CTIF: variants seen among roughly 807,000 people sequenced by gnomAD.
CTIF encodes cap binding complex dependent translation initiation factor.
A neutral mutation model predicts 66.0 loss-of-function variants in CTIF; 21 were observed. That is an observed-to-expected ratio of 0.32 (90% confidence interval 0.23 to 0.46). The LOEUF is 0.46. Among genes scored for constraint, CTIF ranks in the 20% least tolerant of loss-of-function variants. The probability of loss-of-function intolerance (pLI) is 1.00; values close to 1 mark genes in which losing one functional copy is unlikely to be tolerated. For synonymous variants in CTIF, 345 were observed against 326.4 expected (o/e 1.06, Z -0.62); for missense variants, 739 against 812.7 (o/e 0.91, Z 1.10).
chr18:48,565,183 G>A (rs1457072596), intron 1 of CTIF: 1 of 152,254 alleles, frequency 6.6e-6, no homozygotes, highest in East Asian at 1.9e-4. Context: ...GTGATGTGGA[G>A]ACTTTGCAAG....
intron 6 of CTIF, among the ~76,000 whole-genome samples, chr18:48,687,712 C>T (rs2091864995): frequency 6.6e-6 from 1 of 152,180 alleles, no homozygotes; most frequent in South Asian, 2.1e-4. Context: ...GCTGAAATTG[C>T]CAGAGCAAAT....
At chr18:48,670,181 A>G (rs911487086) in intron 5 of CTIF, among the ~76,000 whole-genome samples, 4 of 152,208 alleles carry the variant, frequency 2.6e-5, no homozygotes, top group East Asian at 1.9e-4. Context: ...ACGCCCACTC[A>G]CAGAGGACAT....
At chr18:48,797,501 G>GGT in intron 9 of CTIF, among the ~76,000 whole-genome samples, 1 of 149,072 alleles carries the variant, frequency 6.7e-6, no homozygotes, top group African/African-American at 2.5e-5. Context: ...AAGGGGTGGG[G>GGT]GGGCAAGTTT....
In CTIF at chr18:48,552,742, C is replaced by T. The variant is rs1447121435; in HGVS notation, c.-29+13430C>T. On this transcript the variant is annotated intron_variant, in intron 1 of 11. Coordinates refer to ENST00000256413, the MANE Select transcript of CTIF (RefSeq NM_014772.3). ...CAGTAGCGGAGGTTGAGTGTTTTACCCCAGGCCACACAGCTAAGAAGTGGC... is the reference window on the plus strand; with the variant it reads ...CAGTAGCGGAGGTTGAGTGTTTTACTCCAGGCCACACAGCTAAGAAGTGGC... 3.3e-5 allele frequency among the ~76,000 whole-genome samples: 5 copies of T among 152,186 alleles called. No individual in the cohort carries two copies. In the East Asian group the frequency reaches 7.7e-4, roughly 24 times the overall value.
rs555313671 is a variant in CTIF, at chr18:48,659,460, C to T, written c.253-4292C>T. On this transcript the variant is annotated intron_variant, in intron 3 of 11. Coordinates refer to ENST00000256413, the MANE Select transcript of CTIF (RefSeq NM_014772.3). ...TCCAGGGCTGCTGAGCTTCACAGCT[C>T]CGGGGGTGCTGTCCATATGATATTC... 4.3e-4 allele frequency among the ~76,000 whole-genome samples: 65 copies of T among 152,322 alleles called. 1 individual carries two copies. In the South Asian group the frequency reaches 0.012, roughly 28 times the overall value.
At chr18:48,804,685 G>A (rs909961554) in intron 9 of CTIF, among the ~76,000 whole-genome samples, 1 of 152,210 alleles carries the variant, frequency 6.6e-6, no homozygotes, top group African/African-American at 2.4e-5. Context: ...CAATCAGACT[G>A]ATGCCAAGAC....
At chr18:48,573,197 G>A (rs1202164652) in intron 1 of CTIF, among the ~76,000 whole-genome samples, 3 of 152,192 alleles carry the variant, frequency 2.0e-5, no homozygotes, top group Non-Finnish European at 4.4e-5. Context: ...AGGGCCTAAA[G>A]TCACAAAACG....
At chr18:48,685,373 C>A (rs1439366321) in intron 6 of CTIF, among the ~76,000 whole-genome samples, 1 of 152,008 alleles carries the variant, frequency 6.6e-6, no homozygotes, top group Non-Finnish European at 1.5e-5. Context: ...CAGGCACATG[C>A]CACCACGCCC....
At chr18:48,762,561 T>A (rs72911689) in intron 9 of CTIF, among the ~76,000 whole-genome samples, 4,442 of 152,244 alleles carry the variant, frequency 0.029, 100 homozygotes, top group Non-Finnish European at 0.045. Context: ...TTCCTCCTAT[T>A]TTGTATTTTA....
chr18:48,770,375 C>T (rs373787729), intron 9 of CTIF, among the ~76,000 whole-genome samples: 3 of 152,272 alleles, frequency 2.0e-5, no homozygotes, highest in Non-Finnish European at 2.9e-5. Context: ...CAGAGAGCCC[C>T]GCTCCTGAGA....
At chr18:48,671,700 A>G (rs1270996112) in intron 6 of CTIF, among the ~76,000 whole-genome samples, 2 of 150,918 alleles carry the variant, frequency 1.3e-5, no homozygotes, top group Non-Finnish European at 3.0e-5. Context: ...AATTTGGAAA[A>G]TTTTCAGCCA....
intron 3 of CTIF, among the ~76,000 whole-genome samples, chr18:48,641,342 T>C (rs1053137502): frequency 2.0e-5 from 3 of 152,250 alleles, no homozygotes; most frequent in African/African-American, 7.2e-5. Flanking sequence ...CTGATTAGAC[T>C]TGGGAAGGAC....
At chr18:48,777,729 A>C (rs1007648624) in intron 9 of CTIF, among the ~76,000 whole-genome samples, 3 of 152,232 alleles carry the variant, frequency 2.0e-5, no homozygotes, top group Admixed American at 1.3e-4. Context: ...TTCTTTCTCA[A>C]ACAGCAGGAA....
At chr18:48,618,440 C>G (rs754543172) in intron 1 of CTIF, among the ~76,000 whole-genome samples, 28 of 152,190 alleles carry the variant, frequency 1.8e-4, no homozygotes, top group Non-Finnish European at 3.7e-4. Context: ...TCTGTTTTCT[C>G]TGGCAGATCA....
chr18:48,743,566 G>T (rs1447002892), intron 7 of CTIF, among the ~76,000 whole-genome samples: 1 of 152,106 alleles, frequency 6.6e-6, no homozygotes, highest in Non-Finnish European at 1.5e-5. Context: ...TTTCTTTGTA[G>T]AAAATCATGC....
chr18:48,657,585 C>T (rs981194808), intron 3 of CTIF, among the ~76,000 whole-genome samples: 6 of 152,010 alleles, frequency 3.9e-5, no homozygotes, highest in African/African-American at 1.2e-4. Flanking sequence ...ACAACAATGA[C>T]GAGAGGAATC....
At chr18:48,592,428 C>T (rs1055556215) in intron 1 of CTIF, among the ~76,000 whole-genome samples, 1 of 149,114 alleles carries the variant, frequency 6.7e-6, no homozygotes, top group African/African-American at 2.5e-5. Flanking sequence ...ACCCAGGAGG[C>T]AGAGGTTGTG....
At chr18:48,845,111 CAAAG>C (rs111257287) in intron 10 of CTIF, among the ~76,000 whole-genome samples, 2,433 of 83,922 alleles carry the variant, frequency 0.029, 70 homozygotes, top group African/African-American at 0.1. Flanking sequence ...GTTCCAAAAA[CAAAG>C]AAAAGAGGGA....
At chr18:48,576,292 G>A (rs1029629187) in intron 1 of CTIF, among the ~76,000 whole-genome samples, 4 of 152,256 alleles carry the variant, frequency 2.6e-5, no homozygotes, top group African/African-American at 9.6e-5. Flanking sequence ...AGTGTCGCGT[G>A]ATGTGTTCCC....
Sources: allele counts gnomAD v4.1 joint callset (sites outside exome capture counted in the v4.1 genomes callset), GRCh38; gene constraint gnomAD v4.1.1; transcripts MANE v1.5; gene names NCBI Gene and HGNC (gene_info 2026-07-23, HGNC 2026-07-21).